The following SS18 variants were observed in gnomAD, a reference collection of about 807,000 sequenced individuals.
SS18 encodes SS18 subunit of BAF chromatin remodeling complex, also known as protein SSXT.
In SS18, 28 loss-of-function variants were observed where a neutral mutation model predicts 72.5. The observed-to-expected ratio is 0.39, with a 90% CI of 0.29 to 0.53. The LOEUF is 0.53. Among genes scored for constraint, SS18 ranks in the 20% least tolerant of loss-of-function variants. The probability of loss-of-function intolerance (pLI) is 0.76; values close to 1 mark genes in which losing one functional copy is unlikely to be tolerated. For synonymous variants in SS18, 172 were observed against 164.2 expected, an observed-to-expected ratio of 1.05 and a Z score of -0.37; for missense variants, 518 against 535.3, an observed-to-expected ratio of 0.97 and a Z score of 0.32.
At chr18:26,088,093 G>A (rs963559328) in intron 1 of SS18, among the ~76,000 whole-genome samples, 2 of 152,040 alleles carry the variant, frequency 1.3e-5, no homozygotes, top group African/African-American at 4.8e-5. Flanking sequence ...TTACACCTTT[G>A]GAATGATATC....
At chr18:26,053,525 TTAAA>T (rs1224513621) in intron 4 of SS18, among the ~76,000 whole-genome samples, 2 of 150,392 alleles carry the variant, frequency 1.3e-5, no homozygotes, top group Non-Finnish European at 3.0e-5. Context: ...AAACTCAAAA[TTAAA>T]TAATAAAAAG....
rs2053558959 is a variant in SS18 at position 26,032,426 on chromosome 18, G to A, written c.1203C>T (p.Pro401=). 1 of 1,613,822 alleles carries A rather than the reference G, an allele frequency of 6.2e-7. No individual in the cohort carries two copies. The highest frequency in any genetic ancestry group is 8.5e-7 in the Non-Finnish European group (1 of 1,179,806). ...RPTQPGPPQP[P]QQRPYGYDQG... The stretch of plus-strand genomic sequence containing the variant: ...GGTCATATCCATAAGGCCTCTGCTG[G>A]GGTGGCTGTGGTGGTCCAGGCTGTG... Residue 401 remains proline (P), a synonymous_variant, in exon 10 of 11, where the codon CCC becomes CCT. Coordinates refer to ENST00000415083, the MANE Select transcript of SS18 (RefSeq NM_001007559.3).
chr18:26,080,014 G>T (rs2054487730), intron 2 of SS18, among the ~76,000 whole-genome samples: 1 of 151,828 alleles, frequency 6.6e-6, no homozygotes, highest in Non-Finnish European at 1.5e-5. Context: ...CACAAACAAG[G>T]CCATGCTTTT....
intron 4 of SS18, among the ~76,000 whole-genome samples, chr18:26,054,084 A>G (rs2053969609): frequency 6.6e-6 from 1 of 152,206 alleles, no homozygotes; most frequent in African/African-American, 2.4e-5. Context: ...ATATACTTTA[A>G]ATCATCTCTA....
chr18:26,032,175 C>T (rs1411845082), intron 10 of SS18, among the ~76,000 whole-genome samples: 2 of 151,968 alleles, frequency 1.3e-5, no homozygotes, highest in East Asian at 3.9e-4. Context: ...ATGTTGTTGT[C>T]TTATGATAAG....
intron 3 of SS18, among the ~76,000 whole-genome samples, chr18:26,076,414 T>C (rs535528597): frequency 6.6e-6 from 1 of 151,996 alleles, no homozygotes; most frequent in African/African-American, 2.4e-5. Context: ...ACAAAATATC[T>C]TGTTTTTCCA....
intron 10 of SS18, among the ~76,000 whole-genome samples, chr18:26,030,350 TATATA>T (rs2053523479): frequency 6.6e-6 from 1 of 152,192 alleles, no homozygotes; most frequent in Non-Finnish European, 1.5e-5. Flanking sequence ...TTCACACTTA[TATATA>T]ATATTTCCGA....
chr18:26,065,824 T>TATATATATATATA (rs10527527), intron 3 of SS18, among the ~76,000 whole-genome samples: 160 of 136,648 alleles, frequency 1.2e-3, no homozygotes, highest in South Asian at 1.7e-3. Context: ...TATATATATA[T>TATATATATATATA]GATCATTTTA....
At chr18:26,027,663 G>C (rs2053470769) in intron 10 of SS18, among the ~76,000 whole-genome samples, 1 of 92,772 alleles carries the variant, frequency 1.1e-5, no homozygotes, top group South Asian at 4.2e-4. Flanking sequence ...GACAGAGCGA[G>C]ACTCATCTAA....
Position 26,046,380 on chromosome 18 carries a change from C to T in SS18, c.607+6244G>A, listed in dbSNP as rs538548623. ...CACGGCTTAGCAAATTGTCACACTC[C>T]TTTCTAAGTTTGGATTGGCATCCAA... On this transcript the variant is annotated intron_variant, in intron 5 of 10. Coordinates refer to ENST00000415083, the MANE Select transcript of SS18 (RefSeq NM_001007559.3). Among the ~76,000 whole-genome samples the T allele has an allele frequency of 2.6e-5, 4 of 152,040 alleles. No individual in the cohort carries two copies. In the South Asian group the frequency reaches 8.3e-4, roughly 32 times the overall value.
upstream of SS18, chr18:26,090,628 G>T: frequency 6.6e-7 from 1 of 1,514,588 alleles, no homozygotes; most frequent in East Asian, 2.5e-5. Flanking sequence ...GGCAAACTGG[G>T]GGAGAGACGC....
chr18:26,038,676 A>T lies in SS18; in HGVS notation c.776-17T>A. 6.3e-7 allele frequency: 1 copy of T among 1,588,924 alleles called. No homozygotes were observed. Among genetic ancestry groups the T allele is most frequent in the East Asian group, 2.2e-5 (1 of 44,720 alleles). ...GTGGTGGGCCTGAAAAACCACAACC[A>T]GTCAAGATATAAATAATGTGTTCTC... On this transcript the variant is annotated splice_polypyrimidine_tract_variant and intron_variant, in intron 6 of 10. Transcript: ENST00000415083.
At chr18:26,031,911 G>A (rs541187453) in intron 10 of SS18, among the ~76,000 whole-genome samples, 39 of 152,142 alleles carry the variant, frequency 2.6e-4, no homozygotes, top group Non-Finnish European at 5.4e-4. Context: ...ATCTCAGTAG[G>A]TTAAGGCAAA....
intron 5 of SS18, among the ~76,000 whole-genome samples, chr18:26,039,661 T>C (rs182192714): frequency 2.0e-5 from 3 of 152,320 alleles, no homozygotes; most frequent in East Asian, 3.9e-4. Context: ...AACCAATCCA[T>C]GGTGGTTAAC....
intron 2 of SS18, chr18:26,082,257 G>C (rs1046471319): frequency 1.2e-4 from 53 of 436,192 alleles, no homozygotes; most frequent in Non-Finnish European, 1.5e-4. Flanking sequence ...AGGCCACTAA[G>C]AGTAACTCAT....
In SS18 at chr18:26,017,656, T is replaced by C. The variant is rs897747691; in HGVS notation, c.*698A>G. On this transcript the variant is annotated 3_prime_UTR_variant, in exon 11 of 11. Coordinates refer to ENST00000415083, the MANE Select transcript of SS18 (RefSeq NM_001007559.3). ...TATAAAAAGGTTTAATCCACAAAAC[T>C]GGAAGGCTTTTAAAAAATGTCTTTT... The C allele has an allele frequency of 4.8e-6, 1 of 209,824 alleles. No homozygotes were observed. The highest frequency in any genetic ancestry group is 2.3e-5 in the African/African-American group (1 of 44,100). 13.0% of individuals were successfully genotyped at this position (209,824 alleles called of 1,614,324 possible).
At chr18:26,087,620 CAAGT>C (rs1391498215) in intron 1 of SS18, 43 bp from the exon 2 acceptor site, 4 of 1,152,358 alleles carry the variant, frequency 3.5e-6, no homozygotes, top group Admixed American at 2.2e-5. Flanking sequence ...ACTAGTGCAT[CAAGT>C]AAAATAAAAA....
At chr18:26,054,111 T>A (rs941247112) in intron 4 of SS18, among the ~76,000 whole-genome samples, 1 of 152,194 alleles carries the variant, frequency 6.6e-6, no homozygotes, top group Non-Finnish European at 1.5e-5. Flanking sequence ...ATGTACTGCC[T>A]AACACAATGT....
intron 3 of SS18, among the ~76,000 whole-genome samples, chr18:26,076,197 T>C (rs1244495068): frequency 6.6e-6 from 1 of 151,622 alleles, no homozygotes; most frequent in African/African-American, 2.4e-5. Flanking sequence ...ATTACGTATA[T>C]GTGTATATAA....
Sources: gnomAD v4.1 joint callset for allele counts (sites outside exome capture counted in the v4.1 genomes callset) on GRCh38, gnomAD v4.1.1 for gene constraint, MANE v1.5 for transcripts, NCBI Gene and HGNC (gene_info 2026-07-23, HGNC 2026-07-21) for gene names.